Variants in ZDHHC23 observed in about 807,000 individuals in gnomAD.
ZDHHC23 encodes palmitoyltransferase ZDHHC23.
Under a neutral mutation model 40.2 loss-of-function variants are expected in ZDHHC23, and 41 were observed. That is an observed-to-expected ratio of 1.02 (90% CI 0.79 to 1.32). ZDHHC23 has a LOEUF of 1.32. Among genes scored for constraint, ZDHHC23 ranks in the 40% most tolerant of loss-of-function variants. The pLI is 0.00. For synonymous variants in ZDHHC23, 204 were observed against 210.2 expected, an observed-to-expected ratio of 0.97 and a Z score of 0.26; for missense variants, 471 against 541.5, an observed-to-expected ratio of 0.87 and a Z score of 1.29.
the ZDHHC23 span, among the ~76,000 whole-genome samples, chr3:113,973,010 C>T: frequency 6.6e-6 from 1 of 152,084 alleles, no homozygotes; most frequent in Non-Finnish European, 1.5e-5. Flanking sequence ...ATCCATCAGC[C>T]ACTCTATGTC....
At chr3:113,979,323 A>G in the ZDHHC23 span, among the ~76,000 whole-genome samples, 30 of 152,334 alleles carry the variant, frequency 2.0e-4, no homozygotes, top group African/African-American at 5.3e-4. Context: ...GTAGCTGGCA[A>G]CATTCTCAAT....
At position 113,960,145 on chromosome 3, in the gene ZDHHC23, G is replaced by T; in HGVS notation, c.*1515G>T. ...TCTGTGCATGCTGCTTTAAGCAAGA[G>T]ATTTATATTTGTTGAGAGGAAATAT... On this transcript the variant is annotated 3_prime_UTR_variant, in exon 5 of 5. Coordinates refer to ENST00000638807, the MANE Select transcript of ZDHHC23 (RefSeq NM_001320466.2). The T allele has an allele frequency of 1.0e-6, 1 of 990,596 alleles. No homozygotes were observed. The highest frequency in any genetic ancestry group is 1.2e-6 in the Non-Finnish European group (1 of 832,946). 61.4% of individuals were successfully genotyped at this position (990,596 alleles called of 1,614,324 possible).
rs764720280 is a variant in ZDHHC23, at chr3:113,948,973, G to C, written c.161+10G>C. 1.2e-6 allele frequency: 2 copies of C among 1,613,988 alleles called. No homozygotes were observed. The highest frequency in any genetic ancestry group is 1.7e-6 in the Non-Finnish European group (2 of 1,179,942). On this transcript the variant is annotated intron_variant, in intron 2 of 4. Transcript: ENST00000638807. ...ATGAAGGGTGTGATCGGTAAGAACA[G>C]AGCATTTCTTGACGCTGGCCCCATC...
At chr3:113,963,499 TG>T (rs1939836320), downstream of ZDHHC23, 1 of 142,708 alleles carries the variant, frequency 7.0e-6, no homozygotes, top group Non-Finnish European at 1.5e-5. Context: ...CTCAGCACTT[TG>T]GGAGGCTGAG....
In ZDHHC23 at chr3:113,956,516, G is replaced by T. The variant is rs1190908243; in HGVS notation, c.1040+10G>T. 6.2e-7 allele frequency: 1 copy of T among 1,606,656 alleles called. No homozygotes were observed. The highest frequency in any genetic ancestry group is 1.1e-5 in the South Asian group (1 of 89,272). ...TTTATGCAAATTACAGGTGAGCAGT[G>T]GGTACCACAGTATGGAGGCCCCCTG... On this transcript the variant is annotated intron_variant, in intron 4 of 4. Transcript: ENST00000638807.
Position 113,953,890 on chromosome 3 carries a change from A to T in ZDHHC23, c.352A>T (p.Thr118Ser), listed in dbSNP as rs752245310. Residue 118 changes from threonine to serine, a missense_variant, in exon 3 of 5, where the codon ACC (threonine) becomes TCC (serine). By Grantham distance (58) the Thr-to-Ser change is moderately conservative. Transcript: ENST00000638807. ...TTTCCTCCTGGGGGTGGTGGTTTTG[A>T]CCTCCCTTCCTGTGCTGGCACTGTG... ...WHFLLGVVVL[T>S]SLPVLALWYY... is the part of the protein sequence containing the mutation. The T allele has an allele frequency of 5.0e-5, 80 of 1,613,406 alleles. No homozygotes were observed. Among genetic ancestry groups the T allele is most frequent in the Middle Eastern group, 1.6e-4 (1 of 6,084 alleles).
chr3:113,949,729 A>C (rs1938483545), intron 2 of ZDHHC23, among the ~76,000 whole-genome samples: 1 of 152,206 alleles, frequency 6.6e-6, no homozygotes, highest in Non-Finnish European at 1.5e-5. Context: ...CCCATTAATA[A>C]TTATTTCTGG....
rs1179706668 is a variant in ZDHHC23, at chr3:113,961,108, C to G, written c.*2478C>G. ...AAGGACAAGGCCTCTGTGAATGAAT[C>G]AGTCCCAGGGAAGCATTTGGTGGTG... On this transcript the variant is annotated 3_prime_UTR_variant, in exon 5 of 5. Coordinates refer to ENST00000638807, the MANE Select transcript of ZDHHC23 (RefSeq NM_001320466.2). 1 of 195,426 alleles carries G rather than the reference C, an allele frequency of 5.1e-6. No individual in the cohort carries two copies. Among genetic ancestry groups the G allele is most frequent in the Non-Finnish European group, 1.0e-5 (1 of 97,264 alleles). The allele number at this position is 195,426 out of a possible 1,614,324, so 12.1% of individuals were successfully genotyped here. A position where few individuals can be genotyped will look rare whatever the true frequency, so the allele number is the denominator to read the frequency against.
the ZDHHC23 span, chr3:113,978,041 G>T: frequency 1.3e-6 from 1 of 787,480 alleles, no homozygotes; most frequent in Non-Finnish European, 2.0e-6. Context: ...TACATTGCTG[G>T]TGAGCCGGGA....
the ZDHHC23 span, among the ~76,000 whole-genome samples, chr3:113,975,758 CTTTG>C: frequency 6.6e-6 from 1 of 152,136 alleles, no homozygotes; most frequent in African/African-American, 2.4e-5. Context: ...CAGAAGTGAG[CTTTG>C]TTTGTCTAAG....
the ZDHHC23 span, among the ~76,000 whole-genome samples, chr3:113,976,831 C>A: frequency 6.6e-6 from 1 of 152,062 alleles, no homozygotes; most frequent in Non-Finnish European, 1.5e-5. Flanking sequence ...GATATTGAGT[C>A]CTAAACTTCA....
At chr3:113,965,192 G>GT (rs1167670557), downstream of ZDHHC23, 18 of 1,609,570 alleles carry the variant, frequency 1.1e-5, no homozygotes, top group Non-Finnish European at 1.5e-5. Flanking sequence ...CAAGGACCAA[G>GT]TATCTGATTG....
At position 113,962,428 on chromosome 3, in the gene ZDHHC23, ACTT is replaced by A. The variant is rs1252025575; in HGVS notation, c.*3802_*3804del. 6.6e-6 allele frequency: 1 copy of A among 152,246 alleles called. No homozygotes were observed. Among genetic ancestry groups the A allele is most frequent in the Non-Finnish European group, 1.5e-5 (1 of 68,050 alleles). 9.4% of individuals were successfully genotyped at this position (152,246 alleles called of 1,614,324 possible). A position where few individuals can be genotyped will look rare whatever the true frequency, so the allele number is the denominator to read the frequency against. ...CTGCGATGTCTAGGTTGGGCTTGTG[ACTT>A]CTTAGTGGCCTAGCCTTCTTGATGG... On this transcript the variant is annotated 3_prime_UTR_variant, in exon 5 of 5. Transcript: ENST00000638807.
At chr3:113,967,657 T>C (rs62265443), downstream of ZDHHC23, among the ~76,000 whole-genome samples, 17,043 of 152,230 alleles carry the variant, frequency 0.11, 1,108 homozygotes, top group African/African-American at 0.17. Context: ...AGTTATTCTC[T>C]TCTGGTTATT....
At chr3:113,955,959 C>T (rs1939187976) in intron 3 of ZDHHC23, among the ~76,000 whole-genome samples, 1 of 152,186 alleles carries the variant, frequency 6.6e-6, no homozygotes, top group Non-Finnish European at 1.5e-5. Flanking sequence ...AAAACCTTGT[C>T]TTGGCTGGGC....
Position 113,962,335 on chromosome 3 carries a change from T to G in ZDHHC23, c.*3705T>G, listed in dbSNP as rs1939742905. 1 of 152,176 alleles carries G rather than the reference T, an allele frequency of 6.6e-6. No homozygotes were observed. The highest frequency in any genetic ancestry group is 1.5e-5 in the Non-Finnish European group (1 of 68,034). 9.4% of individuals were successfully genotyped at this position (152,176 alleles called of 1,614,324 possible). ...CATCCACGCTTCAGCTGGCACTAAG[T>G]GTTTTCATTGTAGGATCAGCAGCAG... is the stretch of plus-strand genomic sequence containing the variant. On this transcript the variant is annotated 3_prime_UTR_variant, in exon 5 of 5. Transcript: ENST00000638807.
the ZDHHC23 span, among the ~76,000 whole-genome samples, chr3:113,975,109 T>C: frequency 0.036 from 5,481 of 152,232 alleles, 344 homozygotes; most frequent in African/African-American, 0.13. Context: ...GGTGTAGGTC[T>C]GTGACTTTCA....
chr3:113,964,450 C>CTGAG (rs1281027839), downstream of ZDHHC23: 1 of 152,104 alleles, frequency 6.6e-6, no homozygotes, highest in Non-Finnish European at 1.5e-5. Context: ...AGAAGACAAA[C>CTGAG]TGAGTGTATT....
the ZDHHC23 span, among the ~76,000 whole-genome samples, chr3:113,972,131 TCTTG>T: frequency 6.6e-6 from 1 of 152,218 alleles, no homozygotes; most frequent in East Asian, 1.9e-4. Context: ...TTTGGTTTGT[TCTTG>T]CTTTTCTATA....
Sources: gnomAD v4.1 joint callset for allele counts (sites outside exome capture counted in the v4.1 genomes callset) on GRCh38, gnomAD v4.1.1 for gene constraint, MANE v1.5 for transcripts, NCBI Gene and HGNC (gene_info 2026-07-23, HGNC 2026-07-21) for gene names.